CDC14A: variants seen among roughly 807,000 people sequenced by gnomAD.
CDC14A encodes dual specificity protein phosphatase CDC14A.
A neutral mutation model predicts 74.4 loss-of-function variants in CDC14A; 53 were observed. The ratio of observed to expected loss-of-function variants is 0.71; its 90% CI spans 0.57 to 0.89. CDC14A has a LOEUF of 0.89. Among genes scored for constraint, CDC14A ranks in the 40% least tolerant of loss-of-function variants. CDC14A has a pLI of 0.00. For missense variants in CDC14A, 646 were observed against 713.7 expected (o/e 0.91, Z 1.08); for synonymous variants, 247 against 258.4 (o/e 0.96, Z 0.43).
intron 4 of CDC14A, among the ~76,000 whole-genome samples, chr1:100,417,848 C>A (rs960451002): frequency 4.6e-5 from 7 of 152,160 alleles, no homozygotes; most frequent in African/African-American, 1.7e-4. Context: ...TTTAAAGTAG[C>A]TGTTCATTAA....
intron 1 of CDC14A, among the ~76,000 whole-genome samples, chr1:100,353,404 C>G (rs1651404858): frequency 6.6e-6 from 1 of 152,218 alleles, no homozygotes; most frequent in African/African-American, 2.4e-5. Context: ...ATCTCCGAAG[C>G]TGCGTCGGGA....
intron 4 of CDC14A, among the ~76,000 whole-genome samples, chr1:100,409,067 T>C (rs190517058): frequency 1.3e-5 from 2 of 152,300 alleles, no homozygotes; most frequent in African/African-American, 2.4e-5. Context: ...AGAAAGAGGC[T>C]TAATGGACTT....
At chr1:100,404,147 C>T (rs1189950060) in intron 4 of CDC14A, among the ~76,000 whole-genome samples, 2 of 151,008 alleles carry the variant, frequency 1.3e-5, no homozygotes, top group African/African-American at 4.9e-5. Flanking sequence ...GCTGAGATAG[C>T]GCCACTGCAC....
At chr1:100,510,790 G>A (rs941008572) in intron 15 of CDC14A, among the ~76,000 whole-genome samples, 4 of 151,940 alleles carry the variant, frequency 2.6e-5, no homozygotes, top group African/African-American at 9.7e-5. Flanking sequence ...TAATTTACCC[G>A]GCCCTTCAGT....
intron 5 of CDC14A, 140 bp downstream of exon 5, chr1:100,424,441 T>C: frequency 3.1e-6 from 2 of 639,212 alleles, no homozygotes; most frequent in Admixed American, 2.6e-5. Flanking sequence ...GTTTTTATTA[T>C]TTCATTTCGT....
rs368900060 is a variant in CDC14A at position 100,359,640 on chromosome 1, C to T, written c.140+5788C>T. Among the ~76,000 whole-genome samples the T allele has an allele frequency of 4.6e-5, 7 of 152,122 alleles. No homozygotes were observed. The East Asian group carries it at 9.6e-4, about 21-fold the overall frequency. ...TTTTGCCTTTTTTTTCCTATCAGTGCACTACCAAAAAGAAAGAGAGGAAAG... is the reference window on the plus strand; with the variant it reads ...TTTTGCCTTTTTTTTCCTATCAGTGTACTACCAAAAAGAAAGAGAGGAAAG... On this transcript the variant is annotated intron_variant, in intron 2 of 15. Transcript: ENST00000336454.
intron 5 of CDC14A, among the ~76,000 whole-genome samples, chr1:100,436,951 A>G (rs1664412050): frequency 6.6e-6 from 1 of 152,030 alleles, no homozygotes; most frequent in Non-Finnish European, 1.5e-5. Context: ...TTTGGGAGGC[A>G]GAGGTGGGTG....
chr1:100,468,140 C>CT, intron 10 of CDC14A, 46 bp downstream of exon 10: 1 of 1,603,520 alleles, frequency 6.2e-7, no homozygotes, highest in East Asian at 2.2e-5. Flanking sequence ...GTTCTTGATC[C>CT]TTTCTACCTC....
At chr1:100,488,054 C>T (rs1049597939) in intron 11 of CDC14A, among the ~76,000 whole-genome samples, 3 of 152,300 alleles carry the variant, frequency 2.0e-5, no homozygotes, top group Admixed American at 6.5e-5. Flanking sequence ...CTAAGCTACA[C>T]AAGTGCATTA....
chr1:100,355,129 A>G (rs565851363), intron 2 of CDC14A, among the ~76,000 whole-genome samples: 3 of 152,290 alleles, frequency 2.0e-5, no homozygotes, highest in African/African-American at 7.2e-5. Flanking sequence ...CTGCTTCTAG[A>G]CAGGATGGAG....
intron 10 of CDC14A, among the ~76,000 whole-genome samples, chr1:100,479,706 T>TCAAC (rs1235966382): frequency 6.6e-6 from 1 of 152,244 alleles, no homozygotes; most frequent in Non-Finnish European, 1.5e-5. Context: ...GAGTTTACAC[T>TCAAC]ATTTACTGAA....
chr1:100,348,367 T>C (rs1650621463), upstream of CDC14A, among the ~76,000 whole-genome samples: 2 of 152,216 alleles, frequency 1.3e-5, no homozygotes, highest in East Asian at 1.9e-4. Flanking sequence ...TTTCTTTTGC[T>C]CACATCTGAA....
At chr1:100,417,877 G>A (rs1436354355) in intron 4 of CDC14A, among the ~76,000 whole-genome samples, 3 of 152,142 alleles carry the variant, frequency 2.0e-5, no homozygotes, top group Non-Finnish European at 4.4e-5. Context: ...TTTTTGCTGA[G>A]CATCTATCTG....
At chr1:100,351,811 A>C, upstream of CDC14A, 1 of 1,549,634 alleles carries the variant, frequency 6.5e-7, no homozygotes, top group Non-Finnish European at 8.7e-7. Flanking sequence ...AGAGTCTGGT[A>C]TGTGTAGAGG....
At chr1:100,504,681 G>A (rs1451757704) in intron 15 of CDC14A, 4 of 627,032 alleles carry the variant, frequency 6.4e-6, no homozygotes, top group African/African-American at 3.7e-5. Flanking sequence ...AATGACCAGT[G>A]GTCCCTTAGT....
At chr1:100,389,517 G>T (rs1480986827) in intron 3 of CDC14A, among the ~76,000 whole-genome samples, 1 of 151,774 alleles carries the variant, frequency 6.6e-6, no homozygotes, top group Non-Finnish European at 1.5e-5. Context: ...AGAAATGCCT[G>T]ACTTGGAGTG....
chr1:100,498,395 A>G (rs1571346894), intron 14 of CDC14A, among the ~76,000 whole-genome samples, 188 bp downstream of exon 14: 2 of 152,098 alleles, frequency 1.3e-5, no homozygotes, highest in South Asian at 4.1e-4. Context: ...TTGTGGAGGG[A>G]ATGGTGCAAA....
intron 5 of CDC14A, among the ~76,000 whole-genome samples, chr1:100,426,913 A>G (rs6668686): frequency 0.02 from 3,013 of 152,330 alleles, 109 homozygotes; most frequent in African/African-American, 0.069. Flanking sequence ...ACAAAGTAGT[A>G]CATTTATAAT....
intron 11 of CDC14A, among the ~76,000 whole-genome samples, chr1:100,488,413 T>G (rs559060233): frequency 2.1e-4 from 32 of 152,162 alleles, no homozygotes; most frequent in Non-Finnish European, 4.3e-4. Context: ...GCTCCAAAGT[T>G]TGTGCCCTCA....
Sources: allele counts gnomAD v4.1 joint callset (sites outside exome capture counted in the v4.1 genomes callset), GRCh38; gene constraint gnomAD v4.1.1; transcripts MANE v1.5; gene names NCBI Gene and HGNC (gene_info 2026-07-23, HGNC 2026-07-21).